FANCC: variants seen among roughly 807,000 people sequenced by gnomAD.
FANCC encodes FA complementation group C, also known as Fanconi anemia group C protein.
Under a neutral mutation model 71.3 loss-of-function variants are expected in FANCC, and 55 were observed. The observed-to-expected ratio is 0.77, with a 90% confidence interval of 0.62 to 0.97. The LOEUF is 0.97. Ranked by LOEUF, FANCC falls within the 50% of genes least tolerant of loss-of-function variation. FANCC has a pLI of 0.00. For synonymous variants in FANCC, 275 were observed against 244.9 expected (o/e 1.12, Z -1.15); for missense variants, 678 against 670.9 (o/e 1.01, Z -0.12).
At chr9:95,193,951 C>T (rs1393084934) in intron 4 of FANCC, among the ~76,000 whole-genome samples, 1 of 152,156 alleles carries the variant, frequency 6.6e-6, no homozygotes, top group Non-Finnish European at 1.5e-5. Flanking sequence ...CCATTTAAGC[C>T]ATGACACCAC....
rs1554828385 is a variant in FANCC at position 95,107,132 on chromosome 9, G to A, written c.1467C>T (p.His489=). 1.2e-6 allele frequency: 2 copies of A among 1,614,222 alleles called. No homozygotes were observed. The highest frequency in any genetic ancestry group is 8.5e-7 in the Non-Finnish European group (1 of 1,180,050). The change falls in exon 14 of 15, where the codon CAC becomes CAT. Residue 489 remains histidine (H), a synonymous_variant. Transcript: ENST00000289081. ...CCCAGAGCAGGAAGTTGAGGAGAAG[G>A]TGCCTGATCAGCTGTTGTGCAGGAG... ...LRAPAQQLIR[H]LLLNFLLWAP...
At chr9:95,131,926 T>C (rs1449997695) in intron 8 of FANCC, among the ~76,000 whole-genome samples, 1 of 152,218 alleles carries the variant, frequency 6.6e-6, no homozygotes, top group Non-Finnish European at 1.5e-5. Flanking sequence ...TATCCCATAT[T>C]GAGGAGGATA....
At chr9:95,214,741 G>C (rs1828745085) in intron 4 of FANCC, among the ~76,000 whole-genome samples, 1 of 152,214 alleles carries the variant, frequency 6.6e-6, no homozygotes, top group Non-Finnish European at 1.5e-5. Context: ...GCTTAGTGGA[G>C]TAAGTCAGAC....
intron 8 of FANCC, among the ~76,000 whole-genome samples, chr9:95,129,736 A>C (rs1826593010): frequency 6.6e-6 from 1 of 152,218 alleles, no homozygotes; most frequent in Non-Finnish European, 1.5e-5. Flanking sequence ...CTATGTCAGC[A>C]GGAGGTCTTC....
intron 4 of FANCC, among the ~76,000 whole-genome samples, chr9:95,213,335 G>A (rs1828627302): frequency 6.6e-6 from 1 of 152,068 alleles, no homozygotes; most frequent in African/African-American, 2.4e-5. Context: ...AATCAAAAGA[G>A]TTAGAATAGC....
intron 4 of FANCC, among the ~76,000 whole-genome samples, chr9:95,192,389 G>C (rs1827169274): frequency 6.6e-6 from 1 of 152,212 alleles, no homozygotes; most frequent in Non-Finnish European, 1.5e-5. Context: ...GGGAAACCCA[G>C]TAGTGACACA....
At chr9:95,272,619 C>T (rs747024824) in intron 1 of FANCC, among the ~76,000 whole-genome samples, 1 of 152,078 alleles carries the variant, frequency 6.6e-6, no homozygotes, top group South Asian at 2.1e-4. Context: ...TGCTTGAACC[C>T]GAGACGTGGA....
intron 7 of FANCC, among the ~76,000 whole-genome samples, chr9:95,148,441 A>G (rs1829854737): frequency 6.6e-6 from 1 of 152,226 alleles, no homozygotes; most frequent in African/African-American, 2.4e-5. Flanking sequence ...AATAATTAGC[A>G]AAGTGACTCA....
intron 4 of FANCC, among the ~76,000 whole-genome samples, chr9:95,228,958 A>C (rs1297648433): frequency 6.6e-6 from 1 of 152,154 alleles, no homozygotes; most frequent in African/African-American, 2.4e-5. Context: ...TTTCACTTTG[A>C]ATAAGACAGG....
intron 6 of FANCC, among the ~76,000 whole-genome samples, chr9:95,153,506 T>A (rs1191725498): frequency 6.6e-6 from 1 of 152,208 alleles, no homozygotes; most frequent in African/African-American, 2.4e-5. Context: ...CATGCCAACA[T>A]CTAAAAGGCC....
At chr9:95,253,713 G>A (rs1251784455) in intron 1 of FANCC, among the ~76,000 whole-genome samples, 1 of 151,486 alleles carries the variant, frequency 6.6e-6, no homozygotes, top group East Asian at 1.9e-4. Flanking sequence ...TGGTTACACG[G>A]TAAGTCCTTT....
At chr9:95,290,649 T>C (rs1291730399) in intron 1 of FANCC, among the ~76,000 whole-genome samples, 2 of 151,980 alleles carry the variant, frequency 1.3e-5, no homozygotes, top group African/African-American at 2.4e-5. Context: ...TCCTCTGAAG[T>C]AAAATACACA....
intron 12 of FANCC, among the ~76,000 whole-genome samples, chr9:95,113,096 C>A (rs936279074): frequency 2.6e-5 from 4 of 152,186 alleles, no homozygotes; most frequent in African/African-American, 9.7e-5. Context: ...CCAGGACAAC[C>A]AGGGAGGGTG....
intron 4 of FANCC, among the ~76,000 whole-genome samples, chr9:95,204,417 A>T (rs1377358185): frequency 6.6e-6 from 1 of 152,182 alleles, no homozygotes; most frequent in African/African-American, 2.4e-5. Context: ...AATCTGCTAA[A>T]CTTCCACTGG....
intron 1 of FANCC, among the ~76,000 whole-genome samples, chr9:95,273,949 A>G (rs1229192755): frequency 5.9e-5 from 9 of 152,226 alleles, no homozygotes. Flanking sequence ...GGCTACCCAG[A>G]AAGATTGTAT....
intron 4 of FANCC, among the ~76,000 whole-genome samples, chr9:95,225,558 G>A (rs1404212381): frequency 3.3e-5 from 5 of 152,076 alleles, no homozygotes; most frequent in African/African-American, 1.2e-4. Flanking sequence ...AAGCCAACAT[G>A]ATCATAAAAC....
intron 6 of FANCC, among the ~76,000 whole-genome samples, chr9:95,169,307 G>A (rs1249994664): frequency 5.3e-5 from 8 of 152,174 alleles, no homozygotes; most frequent in South Asian, 4.1e-4. Context: ...GCTTAGTTAC[G>A]ATGGAAAAGA....
At chr9:95,106,400 C>T (rs1588026285) in intron 14 of FANCC, among the ~76,000 whole-genome samples, 1 of 152,162 alleles carries the variant, frequency 6.6e-6, no homozygotes, top group Non-Finnish European at 1.5e-5. Context: ...ATATTTTTCT[C>T]CCATTCTGTG....
At chr9:95,123,361 T>A (rs190852995) in intron 10 of FANCC, 1 of 380,470 alleles carries the variant, frequency 2.6e-6, no homozygotes, top group South Asian at 2.0e-5. Context: ...AGAAACAGGC[T>A]GGGTGTGGTG....
Sources: gnomAD v4.1 joint callset for allele counts (sites outside exome capture counted in the v4.1 genomes callset) on GRCh38, gnomAD v4.1.1 for gene constraint, MANE v1.5 for transcripts, NCBI Gene and HGNC (gene_info 2026-07-23, HGNC 2026-07-21) for gene names.